Variants in KIAA1549L observed in about 807,000 individuals in gnomAD.
The protein encoded by KIAA1549L is UPF0606 protein KIAA1549L.
In KIAA1549L, 88 loss-of-function variants were observed where a neutral mutation model predicts 160.7. The observed-to-expected ratio is 0.55, with a 90% CI of 0.46 to 0.65. The LOEUF (loss-of-function observed/expected upper bound fraction) is 0.65. Ranked by LOEUF, KIAA1549L falls within the 30% of genes least tolerant of loss-of-function variation. The pLI, the probability that KIAA1549L is intolerant of heterozygous loss-of-function variation, is 0.00. For synonymous variants in KIAA1549L, 950 were observed against 976.7 expected (o/e 0.97, Z 0.51); for missense variants, 2,258 against 2,437.5 (o/e 0.93, Z 1.55).
intron 9 of KIAA1549L, among the ~76,000 whole-genome samples, chr11:33,572,953 C>G (rs1855315606): frequency 6.6e-6 from 1 of 152,216 alleles, no homozygotes; most frequent in African/African-American, 2.4e-5. Context: ...TCCTCATCAA[C>G]ACTTGGTGTT....
At chr11:33,471,018 G>A (rs1271529069) in intron 1 of KIAA1549L, among the ~76,000 whole-genome samples, 1 of 151,928 alleles carries the variant, frequency 6.6e-6, no homozygotes, top group Non-Finnish European at 1.5e-5. Context: ...ACTAAATTTT[G>A]CTATGTTGCC....
intron 1 of KIAA1549L, among the ~76,000 whole-genome samples, chr11:33,515,669 C>T (rs1486026560): frequency 6.6e-6 from 1 of 152,240 alleles, no homozygotes; most frequent in Non-Finnish European, 1.5e-5. Flanking sequence ...GGATACAAGT[C>T]TGTTTTCTGG....
chr11:33,658,948 C>T (rs982763677), intron 19 of KIAA1549L, 50 bp downstream of exon 19: 10 of 1,488,360 alleles, frequency 6.7e-6, no homozygotes, highest in Non-Finnish European at 9.0e-6. Flanking sequence ...CTGCTGTGCC[C>T]TGTCCTCCCT....
At chr11:33,408,644 A>G (rs1254734457) in intron 1 of KIAA1549L, among the ~76,000 whole-genome samples, 1 of 151,502 alleles carries the variant, frequency 6.6e-6, no homozygotes, top group Non-Finnish European at 1.5e-5. Context: ...AAAGTGATAT[A>G]GACTTTCCTT....
At chr11:33,613,397 A>G (rs1850698030) in intron 15 of KIAA1549L, among the ~76,000 whole-genome samples, 5 of 152,174 alleles carry the variant, frequency 3.3e-5, no homozygotes, top group Non-Finnish European at 5.9e-5. Flanking sequence ...CCACATGTAT[A>G]TCTTCTTTTG....
At chr11:33,517,333 C>A (rs1467730450) in intron 1 of KIAA1549L, among the ~76,000 whole-genome samples, 1 of 152,176 alleles carries the variant, frequency 6.6e-6, no homozygotes, top group Non-Finnish European at 1.5e-5. Flanking sequence ...TATGTAACGC[C>A]TCTGTAGCTG....
At chr11:33,445,713 C>A (rs1284332580) in intron 1 of KIAA1549L, among the ~76,000 whole-genome samples, 1 of 152,210 alleles carries the variant, frequency 6.6e-6, no homozygotes, top group Non-Finnish European at 1.5e-5. Context: ...CTTCAGTTCC[C>A]TCATTGTCAG....
At chr11:33,647,575 T>C (rs1851761091) in intron 17 of KIAA1549L, among the ~76,000 whole-genome samples, 1 of 152,086 alleles carries the variant, frequency 6.6e-6, no homozygotes, top group Non-Finnish European at 1.5e-5. Flanking sequence ...TTCATCACCA[T>C]AGCATCTAAA....
rs1482691153 is a variant in KIAA1549L at position 33,551,102 on chromosome 11, G to C, written c.3564G>C (p.Leu1188Phe). The C allele has an allele frequency of 6.2e-7, 1 of 1,613,962 alleles. No homozygotes were observed. ...GTTATTATGCTACCAAAGGGAAGTT[G>C]GTGTATTTGCCTGCTGTGGTGATCG... is the stretch of plus-strand genomic sequence containing the variant. ...TVGYYATKGK[L>F]VYLPAVVIEM... Residue 1188 changes from leucine (L) to phenylalanine (F), a missense_variant, in exon 5 of 21, where the codon TTG becomes TTC. Physicochemically the swap from Leu to Phe is conservative, Grantham distance 22 (BLOSUM62 0). This residue lies in a region of KIAA1549L where 1,359 missense variants were observed against 1,546.6 expected (regional missense o/e 0.88). Transcript: ENST00000658780.
At chr11:33,666,457 A>G (rs1176002493) in intron 20 of KIAA1549L, among the ~76,000 whole-genome samples, 1 of 151,834 alleles carries the variant, frequency 6.6e-6, no homozygotes, top group Non-Finnish European at 1.5e-5. Flanking sequence ...CAACTTCCAA[A>G]CTCATCTAAG....
At chr11:33,384,382 A>G (rs1272361147) in intron 1 of KIAA1549L, among the ~76,000 whole-genome samples, 2 of 152,212 alleles carry the variant, frequency 1.3e-5, no homozygotes, top group Non-Finnish European at 2.9e-5. Flanking sequence ...GTTGATGGAC[A>G]TGTGGGTTGT....
intron 1 of KIAA1549L, among the ~76,000 whole-genome samples, chr11:33,491,929 A>T (rs1476571492): frequency 6.6e-6 from 1 of 152,194 alleles, no homozygotes; most frequent in African/African-American, 2.4e-5. Flanking sequence ...GTAGAGGGCG[A>T]GGTCTAGGGA....
At chr11:33,431,727 C>T (rs557011673) in intron 1 of KIAA1549L, among the ~76,000 whole-genome samples, 1 of 152,398 alleles carries the variant, frequency 6.6e-6, no homozygotes, top group South Asian at 2.1e-4. Context: ...GCCTGCCAGT[C>T]CCAGTGCTGT....
chr11:33,407,302 T>G (rs1276278316), intron 1 of KIAA1549L, among the ~76,000 whole-genome samples: 1 of 151,654 alleles, frequency 6.6e-6, no homozygotes, highest in African/African-American at 2.4e-5. Context: ...GCCAGGATGG[T>G]CTCTATCTCC....
In KIAA1549L at chr11:33,418,122, C is replaced by T. The variant is rs537975047; in HGVS notation, c.238+41233C>T. Among the ~76,000 whole-genome samples, 15 of 152,276 alleles carry T rather than the reference C, an allele frequency of 9.9e-5. 1 individual carries two copies. In the South Asian group the frequency reaches 2.3e-3, roughly 23 times the overall value. On this transcript the variant is annotated intron_variant, in intron 1 of 20. Transcript: ENST00000658780. ...CTTTGGTTTTCTTTATAACAATATT[C>T]GCTATAGGTCATATATATTGTGTTT...
intron 13 of KIAA1549L, chr11:33,599,163 C>G (rs1342032121): frequency 2.5e-6 from 1 of 400,610 alleles, no homozygotes; most frequent in African/African-American, 2.0e-5. Flanking sequence ...CTTCCTCCGC[C>G]CCTGTTCTTA....
intron 1 of KIAA1549L, among the ~76,000 whole-genome samples, chr11:33,393,281 G>A (rs1321409400): frequency 6.6e-6 from 1 of 152,182 alleles, no homozygotes; most frequent in African/African-American, 2.4e-5. Flanking sequence ...ACTCAACTCA[G>A]GTGTTAGGCC....
chr11:33,525,530 G>T (rs1853591252), intron 1 of KIAA1549L, among the ~76,000 whole-genome samples: 1 of 150,776 alleles, frequency 6.6e-6, no homozygotes, highest in African/African-American at 2.4e-5. Flanking sequence ...GAAGCTTCTG[G>T]CTGAACTTTG....
At position 33,516,746 on chromosome 11, in the gene KIAA1549L, C is replaced by G. The variant is rs141722420; in HGVS notation, c.239-25056C>G. 1.2e-3 allele frequency among the ~76,000 whole-genome samples: 180 copies of G among 152,298 alleles called. No individual in the cohort carries two copies. In the South Asian group the frequency reaches 0.025, roughly 21 times the overall value. ...TGACCAATCCAACCTTTAATTTCTC[C>G]TATGGCTGAAGAATTGGCAACTTTT... On this transcript the variant is annotated intron_variant, in intron 1 of 20. Coordinates refer to ENST00000658780, the MANE Select transcript of KIAA1549L (RefSeq NM_012194.3).
Sources: allele counts gnomAD v4.1 joint callset (sites outside exome capture counted in the v4.1 genomes callset), GRCh38; gene constraint gnomAD v4.1.1; regional missense constraint gnomAD v4.1.1; transcripts MANE v1.5; gene names NCBI Gene and HGNC (gene_info 2026-07-23, HGNC 2026-07-21).